The following EFHC2 variants were observed in gnomAD, a reference collection of about 807,000 sequenced individuals.
EFHC2 encodes EF-hand domain-containing family member C2.
Under a neutral mutation model 52.7 loss-of-function variants are expected in EFHC2, and 18 were observed. The ratio of observed to expected loss-of-function variants is 0.34; its 90% CI spans 0.24 to 0.51. The LOEUF is 0.51. Ranked by LOEUF, EFHC2 falls within the 20% of genes least tolerant of loss-of-function variation. The pLI is 0.97. For synonymous variants in EFHC2, 203 were observed against 204.1 expected (o/e 0.99, Z 0.04); for missense variants, 513 against 562.5 (o/e 0.91, Z 0.89).
In EFHC2 at chrX:44,248,390, C is replaced by G; in HGVS notation, c.993G>C (p.Glu331Asp). The G allele has an allele frequency of 8.4e-7, 1 of 1,187,649 alleles. No individual in the cohort carries two copies. Among genetic ancestry groups the G allele is most frequent in the East Asian group, 3.1e-5 (1 of 32,661 alleles). ...DRYKLGKVDQEFYKDSDLSLG... is the reference protein window; with the variant it reads ...DRYKLGKVDQDFYKDSDLSLG... ...GGGACAGGTCACTATCTTTGTAAAA[C>G]TCTTGGTCTACTTTTCCTAGCTAAA... Residue 331 changes from glutamate (E) to aspartate (D), a missense_variant, in exon 7 of 15, where the codon GAG (glutamate) becomes GAC (aspartate). Glu to Asp is a conservative substitution (Grantham distance 45, BLOSUM62 2). Coordinates refer to ENST00000420999, the MANE Select transcript of EFHC2 (RefSeq NM_025184.4).
chrX:44,319,034 A>G (rs1489211921), intron 1 of EFHC2, among the ~76,000 whole-genome samples: 1 of 97,244 alleles, frequency 1.0e-5, no homozygotes, highest in Non-Finnish European at 2.0e-5. Flanking sequence ...ACAGAGTCTC[A>G]CTCTTGTCGC....
intron 11 of EFHC2, among the ~76,000 whole-genome samples, chrX:44,186,850 T>C (rs950556917): frequency 9.1e-6 from 1 of 109,719 alleles, no homozygotes; most frequent in Non-Finnish European, 1.9e-5. Context: ...AGGCACAGAG[T>C]TTCTTGCCTG....
At chrX:44,234,619 A>G (rs1478509328) in intron 9 of EFHC2, among the ~76,000 whole-genome samples, 1 of 112,306 alleles carries the variant, frequency 8.9e-6, no homozygotes, top group Admixed American at 9.4e-5. Flanking sequence ...ATATTTTCAA[A>G]GAGCCAGTTA....
intron 2 of EFHC2, among the ~76,000 whole-genome samples, chrX:44,273,808 GTC>G (rs960192222): frequency 9.0e-6 from 1 of 111,555 alleles, no homozygotes; most frequent in Admixed American, 9.6e-5. Context: ...TATTCTCTTT[GTC>G]TCTCACTTTT....
At chrX:44,202,963 CT>C (rs1212218732) in intron 11 of EFHC2, among the ~76,000 whole-genome samples, 2 of 111,058 alleles carry the variant, frequency 1.8e-5, no homozygotes, top group Admixed American at 1.9e-4. Flanking sequence ...TCTCTCACCC[CT>C]CTCCCAGTAA....
chrX:44,292,693 T>C (rs191024185), intron 2 of EFHC2, among the ~76,000 whole-genome samples: 1 of 111,379 alleles, frequency 9.0e-6, no homozygotes, highest in East Asian at 2.9e-4. Context: ...TGGGAGGTGA[T>C]TGGATCAAGG....
At chrX:44,333,018 T>C (rs2038097026) in intron 1 of EFHC2, among the ~76,000 whole-genome samples, 1 of 111,608 alleles carries the variant, frequency 9.0e-6, no homozygotes, top group South Asian at 3.8e-4. Flanking sequence ...CCAAGCTGTG[T>C]TTATTTCCAT....
At chrX:44,256,808 C>T (rs2037495767) in intron 4 of EFHC2, among the ~76,000 whole-genome samples, 1 of 103,314 alleles carries the variant, frequency 9.7e-6, no homozygotes, top group African/African-American at 4.0e-5. Context: ...CATCCTGATA[C>T]CAAAACCTGG....
rs773047963 is a variant in EFHC2 at position 44,182,971 on chromosome X, T to C, written c.1752-4407A>G. 1.2e-4 allele frequency among the ~76,000 whole-genome samples: 13 copies of C among 111,705 alleles called. No individual in the cohort carries two copies. In the Admixed American group the frequency reaches 1.2e-3, roughly 11 times the overall value. On this transcript the variant is annotated intron_variant, in intron 11 of 14. Coordinates refer to ENST00000420999, the MANE Select transcript of EFHC2 (RefSeq NM_025184.4). ...GTATTGAGAATTCTACGCAGAATTC[T>C]GAAACATGAAACGCTAAACAGCTTT...
intron 14 of EFHC2, among the ~76,000 whole-genome samples, chrX:44,158,737 C>T (rs183449496): frequency 2.9e-3 from 321 of 111,272 alleles, no homozygotes; most frequent in Non-Finnish European, 4.9e-3. Flanking sequence ...GGCATAACCA[C>T]TCTCCTCTCA....
chrX:44,284,032 G>A (rs2037733483), intron 2 of EFHC2: 1 of 111,257 alleles, frequency 9.0e-6, no homozygotes, highest in Non-Finnish European at 1.9e-5. Context: ...GGTGCCCCGC[G>A]GAGCTCAGTA....
chrX:44,343,047 T>C (rs938789895), intron 1 of EFHC2, among the ~76,000 whole-genome samples: 2 of 110,587 alleles, frequency 1.8e-5, no homozygotes, highest in African/African-American at 6.6e-5. Flanking sequence ...AATTTGATAA[T>C]TGAAACGGTA....
intron 4 of EFHC2, among the ~76,000 whole-genome samples, chrX:44,255,297 C>T (rs1329062093): frequency 1.8e-5 from 2 of 111,681 alleles, no homozygotes; most frequent in African/African-American, 6.5e-5. Flanking sequence ...TGTAAACAGG[C>T]TAAATGTCCC....
intron 1 of EFHC2, among the ~76,000 whole-genome samples, chrX:44,319,671 T>C (rs975637603): frequency 8.9e-6 from 1 of 112,608 alleles, no homozygotes; most frequent in African/African-American, 3.2e-5. Context: ...TCTTTTTTTC[T>C]TACCATGACC....
In EFHC2 at chrX:44,230,227, G is replaced by C. The variant is rs189750652; in HGVS notation, c.1621-448C>G. On this transcript the variant is annotated intron_variant, in intron 10 of 14. Coordinates refer to ENST00000420999, the MANE Select transcript of EFHC2 (RefSeq NM_025184.4). The stretch of plus-strand genomic sequence containing the variant: ...TTAGGCAACGCACTGATGAGAGCAA[G>C]GCTGGGTATCAAAGATCCACGCAAG... Among the ~76,000 whole-genome samples the C allele has an allele frequency of 8.1e-5, 9 of 111,552 alleles. No individual in the cohort carries two copies. In the East Asian group the frequency reaches 2.5e-3, roughly 32 times the overall value.
chrX:44,212,337 T>G (rs1462955369), intron 11 of EFHC2, among the ~76,000 whole-genome samples: 5 of 112,073 alleles, frequency 4.5e-5, no homozygotes, highest in Non-Finnish European at 7.5e-5. Flanking sequence ...ACGATCTCCA[T>G]CAGGTTCTCA....
chrX:44,162,499 T>TAGTC (rs1307271599), intron 14 of EFHC2, among the ~76,000 whole-genome samples: 1 of 111,236 alleles, frequency 9.0e-6, no homozygotes, highest in African/African-American at 3.3e-5. Context: ...TCCTTGAAGT[T>TAGTC]AGTCAGTGGT....
intron 1 of EFHC2, among the ~76,000 whole-genome samples, chrX:44,315,982 G>C (rs890020772): frequency 1.8e-5 from 2 of 111,478 alleles, no homozygotes; most frequent in African/African-American, 3.3e-5. Context: ...TACCGGCCAG[G>C]CCCTATTCTA....
chrX:44,287,131 G>A (rs890237544), intron 2 of EFHC2, among the ~76,000 whole-genome samples: 4 of 108,634 alleles, frequency 3.7e-5, no homozygotes, highest in Non-Finnish European at 7.6e-5. Context: ...GAAGTGAGTG[G>A]ATCACTTGAG....
Sources: gnomAD v4.1 joint callset for allele counts (sites outside exome capture counted in the v4.1 genomes callset) on GRCh38, gnomAD v4.1.1 for gene constraint, MANE v1.5 for transcripts, NCBI Gene and HGNC (gene_info 2026-07-23, HGNC 2026-07-21) for gene names.